Variants in ARL5C observed in about 807,000 individuals in gnomAD.
The protein encoded by ARL5C is putative ADP-ribosylation factor-like protein 5C.
ARL5C carries 21 observed loss-of-function variants against 20.8 expected under a neutral mutation model. That is an observed-to-expected ratio of 1.01 (90% confidence interval 0.72 to 1.46). The LOEUF (loss-of-function observed/expected upper bound fraction) is 1.46. Ranked by LOEUF, ARL5C falls within the 40% of genes most tolerant of loss-of-function variation. The pLI, the probability that ARL5C is intolerant of heterozygous loss-of-function variation, is 0.00. For synonymous variants in ARL5C, 71 were observed against 81.6 expected (o/e 0.87, Z 0.70); for missense variants, 199 against 225.1 (o/e 0.88, Z 0.74).
chr17:39,166,013 G>C lies in ARL5C; in HGVS notation c.-253C>G. 1 of 536,746 alleles carries C rather than the reference G, an allele frequency of 1.9e-6. No individual in the cohort carries two copies. The highest frequency in any genetic ancestry group is 3.2e-5 in the Admixed American group (1 of 31,408). The allele number at this position is 536,746 out of a possible 1,614,324, so 33.2% of individuals were successfully genotyped here. On this transcript the variant is annotated 5_prime_UTR_variant, in exon 1 of 6. Coordinates refer to ENST00000269586, the MANE Select transcript of ARL5C (RefSeq NM_001143968.1). ...AGGTGCAAGGAATATGGGGGTTCCA[G>C]GCTCCAGCCCTCCCCCTCGCCCTGC...
At chr17:39,165,195 G>C in intron 1 of ARL5C, 56 bp from the exon 2 acceptor site, 11 of 1,523,470 alleles carry the variant, frequency 7.2e-6, no homozygotes, top group Non-Finnish European at 9.8e-6. Context: ...CCAAGGGACT[G>C]TGTGCCCCCA....
rs573557004 is a variant in ARL5C at position 39,160,733 on chromosome 17, C to T, written c.349G>A (p.Asp117Asn). Residue 117 changes from aspartate to asparagine, a missense_variant, in exon 5 of 6, where the codon GAT (aspartate) becomes AAT (asparagine). Transcript: ENST00000269586. ...TTGGCAAATATCAGGACTGAAGCAT[C>T]CTGTAGAGCCTGTGGACAGAGGAGC... ...YKMLAHEALQ[D>N]ASVLIFANKQ... 36 of 1,551,418 alleles carry T rather than the reference C, an allele frequency of 2.3e-5. No individual in the cohort carries two copies. The South Asian group carries it at 4.2e-4, about 18-fold the overall frequency.
intron 2 of ARL5C, among the ~76,000 whole-genome samples, chr17:39,163,928 C>T (rs9905644): frequency 0.018 from 2,690 of 151,664 alleles, 112 homozygotes; most frequent in African/African-American, 0.062. Flanking sequence ...CCACGCCCAG[C>T]TAATTTTTAT....
In ARL5C at chr17:39,162,801, G is replaced by C. The variant is rs566016510; in HGVS notation, c.165C>G (p.Ile55Met). The change falls in exon 3 of 6, where the codon ATC becomes ATG. Residue 55 changes from isoleucine to methionine, a missense_variant. Coordinates refer to ENST00000269586, the MANE Select transcript of ARL5C (RefSeq NM_001143968.1). ...CPTIGSNVEE[I>M]ILPKTHFFMW... is the part of the protein sequence containing the mutation. ...TGAAGAAGTGGGTCTTCGGCAGAAT[G>C]ATCTCCTCCACGTTGCTGCCAATGG... 2.3e-5 allele frequency: 35 copies of C among 1,551,548 alleles called. No homozygotes were observed. The South Asian group carries it at 4.0e-4, about 18-fold the overall frequency.
rs2144045073 is a variant in ARL5C at position 39,161,367 on chromosome 17, G to A, written c.256-16C>T. 1 of 1,551,210 alleles carries A rather than the reference G, an allele frequency of 6.4e-7. No homozygotes were observed. The highest frequency in any genetic ancestry group is 1.2e-5 in the South Asian group (1 of 84,056). Reference sequence around the variant, plus strand: ...GGATGATAAACTGGGCAGCAGAGGGGAGCCGTGAGAGACAGGCTTTCTCTT... The same window carrying A: ...GGATGATAAACTGGGCAGCAGAGGGAAGCCGTGAGAGACAGGCTTTCTCTT... On this transcript the variant is annotated splice_polypyrimidine_tract_variant and intron_variant, in intron 3 of 5. Coordinates refer to ENST00000269586, the MANE Select transcript of ARL5C (RefSeq NM_001143968.1).
chr17:39,160,338 AAG>A (rs57971716), intron 5 of ARL5C: 5 of 392,610 alleles, frequency 1.3e-5, no homozygotes, highest in East Asian at 5.0e-5. Context: ...AAAAAAAAAA[AAG>A]AGAGAGAGAT....
intron 5 of ARL5C, chr17:39,160,374 CCT>C (rs2045428390): frequency 9.5e-6 from 5 of 527,964 alleles, no homozygotes; most frequent in Admixed American, 3.4e-5. Flanking sequence ...CGGAGTGCTA[CCT>C]CTTTCTCCAC....
At chr17:39,158,615 CAA>C (rs35435843) in intron 5 of ARL5C, among the ~76,000 whole-genome samples, 54 of 123,572 alleles carry the variant, frequency 4.4e-4, no homozygotes, top group African/African-American at 5.2e-4. Flanking sequence ...GACCCTGCCT[CAA>C]AAAAAAAAAA....
chr17:39,160,522 A>G lies in ARL5C; in HGVS notation c.491+69T>C, dbSNP rs896211535. 5.3e-6 allele frequency: 8 copies of G among 1,512,264 alleles called. No homozygotes were observed. The African/African-American group carries it at 1.1e-4, about 21-fold the overall frequency. The allele number at this position is 1,512,264 out of a possible 1,614,324, so 93.7% of individuals were successfully genotyped here. Reference sequence around the variant, plus strand: ...ATTCTCACAGGAGAGAGGCAGGAGAAGGGTTCTGATGGTCAGTCATCCATT... The same window carrying G: ...ATTCTCACAGGAGAGAGGCAGGAGAGGGGTTCTGATGGTCAGTCATCCATT... On this transcript the variant is annotated intron_variant, in intron 5 of 5. Coordinates refer to ENST00000269586, the MANE Select transcript of ARL5C (RefSeq NM_001143968.1).
chr17:39,162,997 A>T, intron 2 of ARL5C, 139 bp from the exon 3 acceptor site: 1 of 1,029,760 alleles, frequency 9.7e-7, no homozygotes, highest in Non-Finnish European at 1.4e-6. Flanking sequence ...GCTCGGAGCC[A>T]GGCCCCGTGC....
At chr17:39,157,510 C>T (rs2045411132) in intron 5 of ARL5C, among the ~76,000 whole-genome samples, 2 of 152,232 alleles carry the variant, frequency 1.3e-5, no homozygotes, top group Non-Finnish European at 2.9e-5. Context: ...GCTGATTGGG[C>T]CAGGCGCAGT....
At chr17:39,158,615 C>CAAA (rs35435843) in intron 5 of ARL5C, among the ~76,000 whole-genome samples, 13 of 123,778 alleles carry the variant, frequency 1.1e-4, no homozygotes, top group Non-Finnish European at 2.0e-4. Context: ...GACCCTGCCT[C>CAAA]AAAAAAAAAA....
intron 3 of ARL5C, among the ~76,000 whole-genome samples, chr17:39,161,714 A>G (rs545333306): frequency 1.3e-5 from 2 of 152,152 alleles, no homozygotes; most frequent in East Asian, 3.9e-4. Flanking sequence ...GGGTTTCGCC[A>G]TGTTGGCCAG....
At chr17:39,162,370 G>A (rs367815771) in intron 3 of ARL5C, among the ~76,000 whole-genome samples, 36 of 152,046 alleles carry the variant, frequency 2.4e-4, no homozygotes, top group African/African-American at 6.8e-4. Flanking sequence ...GCGTGATCTC[G>A]GCTCACTGCA....
chr17:39,165,437 C>G, intron 1 of ARL5C: 1 of 589,200 alleles, frequency 1.7e-6, no homozygotes, highest in Non-Finnish European at 3.0e-6. Context: ...AAGTCACAAT[C>G]GCAGGAAACT....
At chr17:39,164,913 A>C in intron 2 of ARL5C, 166 bp downstream of exon 2, 1 of 642,984 alleles carries the variant, frequency 1.6e-6, no homozygotes, top group Non-Finnish European at 2.7e-6. Flanking sequence ...TGAATGCCAG[A>C]CCGAGGAGCC....
At chr17:39,160,787 G>A (rs2045430685) in intron 4 of ARL5C, 45 bp from the exon 5 acceptor site, 1 of 1,542,742 alleles carries the variant, frequency 6.5e-7, no homozygotes, top group Non-Finnish European at 8.7e-7. Context: ...CTAGTGCCCA[G>A]CCTTCCTTCC....
At chr17:39,158,127 G>T (rs550332325) in intron 5 of ARL5C, among the ~76,000 whole-genome samples, 3 of 116,442 alleles carry the variant, frequency 2.6e-5, no homozygotes, top group Non-Finnish European at 3.6e-5. Context: ...GAGGGAGGGA[G>T]GGAGGAAGGA....
chr17:39,164,933 G>A, intron 2 of ARL5C, 146 bp downstream of exon 2: 1 of 748,354 alleles, frequency 1.3e-6, no homozygotes, highest in Non-Finnish European at 2.2e-6. Flanking sequence ...CGCAGTACTA[G>A]GAAGGTCCAA....
Sources: gnomAD v4.1 joint callset for allele counts (sites outside exome capture counted in the v4.1 genomes callset) on GRCh38, gnomAD v4.1.1 for gene constraint, MANE v1.5 for transcripts, NCBI Gene and HGNC (gene_info 2026-07-23, HGNC 2026-07-21) for gene names.